Variants in PRKAR1B observed in about 807,000 individuals in gnomAD.
PRKAR1B encodes protein kinase cAMP-dependent type I regulatory subunit beta.
In PRKAR1B, 22 loss-of-function variants were observed where a neutral mutation model predicts 46.5. The observed-to-expected ratio is 0.47, with a 90% confidence interval of 0.34 to 0.68. The LOEUF is 0.68. Ranked by LOEUF, PRKAR1B falls within the 30% of genes least tolerant of loss-of-function variation. The pLI is 0.01. For missense variants in PRKAR1B, 445 were observed against 535.6 expected (o/e 0.83, Z 1.67); for synonymous variants, 259 against 217.7 (o/e 1.19, Z -1.67).
At chr7:647,426 A>AC (rs1195458881) in intron 4 of PRKAR1B, among the ~76,000 whole-genome samples, 1 of 149,294 alleles carries the variant, frequency 6.7e-6, no homozygotes, top group Non-Finnish European at 1.5e-5. Context: ...TGATCCCAAC[A>AC]CCCCCCAGCA....
At chr7:625,581 G>A (rs1004678229) in intron 4 of PRKAR1B, among the ~76,000 whole-genome samples, 36 of 152,020 alleles carry the variant, frequency 2.4e-4, no homozygotes, top group Non-Finnish European at 2.4e-4. Flanking sequence ...ATGGACAAGG[G>A]GCACCGCTAC....
intron 8 of PRKAR1B, among the ~76,000 whole-genome samples, chr7:583,832 C>A (rs545611096): frequency 4.7e-4 from 72 of 151,892 alleles, no homozygotes; most frequent in African/African-American, 1.5e-3. Context: ...GCACACACAC[C>A]CCCATGTGCA....
At chr7:621,578 C>A (rs960722584) in intron 4 of PRKAR1B, among the ~76,000 whole-genome samples, 3 of 152,208 alleles carry the variant, frequency 2.0e-5, no homozygotes, top group Admixed American at 2.0e-4. Flanking sequence ...TTCCTGAACC[C>A]CCAGGATCCC....
chr7:625,070 A>T (rs1363250326), intron 4 of PRKAR1B, among the ~76,000 whole-genome samples: 2 of 152,342 alleles, frequency 1.3e-5, no homozygotes, highest in Admixed American at 1.3e-4. Context: ...ATGCTCTCAC[A>T]CCGGAAGTGA....
intron 1 of PRKAR1B, chr7:726,661 T>C: frequency 8.5e-7 from 1 of 1,175,062 alleles, no homozygotes; most frequent in Non-Finnish European, 1.1e-6. Context: ...AGTGCTGCCG[T>C]AATCTGCGCT....
intron 9 of PRKAR1B, among the ~76,000 whole-genome samples, chr7:571,761 G>T (rs757711429): frequency 6.6e-6 from 1 of 152,178 alleles, no homozygotes; most frequent in Non-Finnish European, 1.5e-5. Flanking sequence ...AGGAATGTGC[G>T]CAGGGAACCT....
At chr7:724,527 C>A (rs1004221646) in intron 1 of PRKAR1B, among the ~76,000 whole-genome samples, 2 of 152,250 alleles carry the variant, frequency 1.3e-5, no homozygotes, top group African/African-American at 4.8e-5. Context: ...CCATGTGGAA[C>A]TGTGAGTCCA....
chr7:551,326 C>T, intron 10 of PRKAR1B, 63 bp downstream of exon 10: 1 of 1,494,508 alleles, frequency 6.7e-7, no homozygotes, highest in Non-Finnish European at 9.1e-7. Context: ...CTCCAGGCCC[C>T]TCCCGAGACC....
intron 4 of PRKAR1B, among the ~76,000 whole-genome samples, chr7:613,861 C>A (rs1263238987): frequency 1.3e-5 from 2 of 152,264 alleles, no homozygotes; most frequent in Non-Finnish European, 2.9e-5. Flanking sequence ...CCAGAAACCC[C>A]TCCCCAGCCT....
At chr7:555,019 C>T (rs1228236324) in intron 9 of PRKAR1B, among the ~76,000 whole-genome samples, 3 of 152,168 alleles carry the variant, frequency 2.0e-5, no homozygotes, top group Admixed American at 2.0e-4. Context: ...CGGGAGTCAC[C>T]ACAGGCCACC....
intron 4 of PRKAR1B, among the ~76,000 whole-genome samples, chr7:654,895 T>C (rs1785114401): frequency 6.6e-6 from 1 of 152,334 alleles, no homozygotes; most frequent in Admixed American, 6.5e-5. Context: ...ATTGTTATCA[T>C]TGCCGTTGCC....
chr7:627,554 A>AC (rs911775091), intron 4 of PRKAR1B, among the ~76,000 whole-genome samples: 15 of 151,672 alleles, frequency 9.9e-5, no homozygotes, highest in Admixed American at 3.3e-4. Context: ...TACACGGCTG[A>AC]CCCCCCCAAT....
At chr7:559,350 G>T (rs1238962675) in intron 9 of PRKAR1B, among the ~76,000 whole-genome samples, 1 of 152,184 alleles carries the variant, frequency 6.6e-6, no homozygotes, top group Non-Finnish European at 1.5e-5. Context: ...GCCGAGAGAG[G>T]GGCTGGTGCC....
At position 680,619 on chromosome 7, in the gene PRKAR1B, G is replaced by A; in HGVS notation, c.285C>T (p.Arg95=). The A allele has an allele frequency of 1.2e-6, 2 of 1,613,136 alleles. No individual in the cohort carries two copies. Among genetic ancestry groups the A allele is most frequent in the South Asian group, 1.1e-5 (1 of 91,064 alleles). Reference sequence around the variant, plus strand: ...CCTCGGCACTCACGCCTCCTCGCCGGCGGCGGGCCTTCACCACAGGGTTCG... The same window carrying A: ...CCTCGGCACTCACGCCTCCTCGCCGACGGCGGGCCTTCACCACAGGGTTCG... ...TPPNPVVKAR[R]RRGGVSAEVY... Residue 95 remains arginine, a synonymous_variant, in exon 3 of 11, where the codon CGC becomes CGT. Coordinates refer to ENST00000537384, the MANE Select transcript of PRKAR1B (RefSeq NM_001164760.2).
intron 4 of PRKAR1B, among the ~76,000 whole-genome samples, chr7:632,208 A>G (rs1382213627): frequency 1.3e-5 from 2 of 152,158 alleles, no homozygotes; most frequent in African/African-American, 4.8e-5. Context: ...CTGTTGCCTC[A>G]TTAAAAATCA....
At chr7:659,291 G>A (rs142023664) in intron 4 of PRKAR1B, among the ~76,000 whole-genome samples, 10 of 152,290 alleles carry the variant, frequency 6.6e-5, no homozygotes, top group African/African-American at 1.4e-4. Flanking sequence ...TCTGTGTTGC[G>A]CATGCAGTAT....
At chr7:721,314 G>A (rs892758093) in intron 1 of PRKAR1B, among the ~76,000 whole-genome samples, 31 of 152,140 alleles carry the variant, frequency 2.0e-4, no homozygotes, top group Non-Finnish European at 4.4e-5. Flanking sequence ...CCAGTCCATT[G>A]TCTCAACTTT....
intron 9 of PRKAR1B, among the ~76,000 whole-genome samples, chr7:556,794 G>C (rs1344704818): frequency 6.6e-6 from 1 of 152,220 alleles, no homozygotes; most frequent in African/African-American, 2.4e-5. Context: ...CCCCAGTAGA[G>C]CTGTGTCTTG....
chr7:728,408 C>T (rs980987444), upstream of PRKAR1B, among the ~76,000 whole-genome samples: 6 of 152,124 alleles, frequency 3.9e-5, no homozygotes, highest in African/African-American at 1.4e-4. Context: ...GTGATAGACC[C>T]GAGTTCAGGT....
Sources: gnomAD v4.1 joint callset for allele counts (sites outside exome capture counted in the v4.1 genomes callset) on GRCh38, gnomAD v4.1.1 for gene constraint, MANE v1.5 for transcripts, NCBI Gene and HGNC (gene_info 2026-07-23, HGNC 2026-07-21) for gene names.